The following CAST variants were observed in gnomAD, a reference collection of about 807,000 sequenced individuals.
CAST encodes the protein calpastatin, also known as MIR583 host.
In CAST, 76 loss-of-function variants were observed where a neutral mutation model predicts 119.6. The observed-to-expected ratio is 0.64, with a 90% CI of 0.53 to 0.77. The LOEUF (loss-of-function observed/expected upper bound fraction) is 0.77, where lower values mean the gene tolerates loss of function less well. Ranked by LOEUF, CAST falls within the 30% of genes least tolerant of loss-of-function variation. The pLI is 0.00. For synonymous variants in CAST, 319 were observed against 331.6 expected (o/e 0.96, Z 0.41); for missense variants, 953 against 946.5 (o/e 1.01, Z -0.09).
chr5:96,521,588 C>G (rs1473996788), upstream of CAST, among the ~76,000 whole-genome samples: 1 of 152,190 alleles, frequency 6.6e-6, no homozygotes, highest in Non-Finnish European at 1.5e-5. Context: ...CACATAGTCA[C>G]TTAGATTCAT....
intron 29 of CAST, chr5:96,768,509 T>C: frequency 2.5e-6 from 1 of 404,878 alleles, no homozygotes; most frequent in Non-Finnish European, 4.8e-6. Flanking sequence ...TTCCTTTTTT[T>C]TCTATATGTA....
the CAST span, among the ~76,000 whole-genome samples, chr5:95,969,935 G>T: frequency 3.3e-5 from 5 of 152,070 alleles, no homozygotes; most frequent in African/African-American, 4.8e-5. Context: ...AAGAATTGGG[G>T]AATATTCCTA....
the CAST span, among the ~76,000 whole-genome samples, chr5:96,154,546 A>G: frequency 1.6e-4 from 25 of 152,150 alleles, no homozygotes; most frequent in African/African-American, 5.6e-4. Context: ...TAAAGTCTAC[A>G]CTATATCAAA....
intron 9 of CAST, among the ~76,000 whole-genome samples, chr5:96,734,345 C>T (rs115757942): frequency 0.019 from 2,890 of 152,154 alleles, 69 homozygotes; most frequent in African/African-American, 0.064. Flanking sequence ...CAATTGAATC[C>T]GAGCTGCAGA....
intron 2 of CAST, among the ~76,000 whole-genome samples, chr5:96,677,645 G>T (rs971677236): frequency 1.3e-5 from 2 of 152,190 alleles, no homozygotes; most frequent in African/African-American, 4.8e-5. Flanking sequence ...TCACATTCAT[G>T]ACCCCTGCCC....
At chr5:96,255,937 C>A in the CAST span, among the ~76,000 whole-genome samples, 1 of 152,030 alleles carries the variant, frequency 6.6e-6, no homozygotes, top group South Asian at 2.1e-4. Flanking sequence ...AAAATAAAGT[C>A]TTTGGGACCC....
chr5:96,753,485 T>G (rs1765609538), intron 20 of CAST, among the ~76,000 whole-genome samples: 1 of 152,222 alleles, frequency 6.6e-6, no homozygotes, highest in African/African-American at 2.4e-5. Context: ...CATTTCATTT[T>G]GAACAATCGG....
chr5:96,565,344 G>A (rs753819442), intron 1 of CAST, among the ~76,000 whole-genome samples: 26 of 151,854 alleles, frequency 1.7e-4, no homozygotes, highest in Non-Finnish European at 2.9e-4. Flanking sequence ...ATTCTACAAG[G>A]TATACATGTC....
chr5:96,136,612 T>C, the CAST span, among the ~76,000 whole-genome samples: 1 of 152,208 alleles, frequency 6.6e-6, no homozygotes, highest in Non-Finnish European at 1.5e-5. Flanking sequence ...TATATACATA[T>C]ATGAATATAT....
chr5:96,143,972 CTATT>C, the CAST span, among the ~76,000 whole-genome samples: 6 of 152,022 alleles, frequency 3.9e-5, no homozygotes, highest in East Asian at 3.8e-4. Context: ...ACTTGAGGGG[CTATT>C]TGTTTCTATA....
chr5:96,622,420 A>T (rs981222907), intron 1 of CAST, among the ~76,000 whole-genome samples: 1 of 152,180 alleles, frequency 6.6e-6, no homozygotes, highest in African/African-American at 2.4e-5. Context: ...CTTACATAAA[A>T]TCTGGCTCCA....
chr5:96,500,160 A>AACG, the CAST span, among the ~76,000 whole-genome samples: 2 of 152,172 alleles, frequency 1.3e-5, no homozygotes, highest in African/African-American at 4.8e-5. Flanking sequence ...TAATGATGAA[A>AACG]ACGTTTTGCA....
chr5:96,478,937 T>C, the CAST span, among the ~76,000 whole-genome samples: 1 of 152,196 alleles, frequency 6.6e-6, no homozygotes, highest in Non-Finnish European at 1.5e-5. Flanking sequence ...ATAGACTCAA[T>C]TGAACACATG....
chr5:96,677,034 C>CA (rs567872750), intron 2 of CAST, among the ~76,000 whole-genome samples: 1,300 of 99,354 alleles, frequency 0.013, 13 homozygotes, highest in South Asian at 0.056. Flanking sequence ...AGCTGGGTGA[C>CA]AAAAAAAAAA....
chr5:96,290,180 G>A, the CAST span, among the ~76,000 whole-genome samples: 1 of 152,136 alleles, frequency 6.6e-6, no homozygotes, highest in East Asian at 1.9e-4. Flanking sequence ...TCATTCTTCT[G>A]TTTAAGCTTC....
chr5:96,630,973 C>T (rs1388717891), intron 1 of CAST: 1 of 140,356 alleles, frequency 7.1e-6, no homozygotes, highest in Non-Finnish European at 1.6e-5. Context: ...ACAGAGTCTC[C>T]ACCTGACTGC....
At chr5:96,316,384 C>T in the CAST span, among the ~76,000 whole-genome samples, 2 of 152,122 alleles carry the variant, frequency 1.3e-5, no homozygotes, top group African/African-American at 2.4e-5. Flanking sequence ...CCTAAACTCC[C>T]CAGATGCCAG....
chr5:96,196,036 T>C, the CAST span, among the ~76,000 whole-genome samples: 6 of 152,218 alleles, frequency 3.9e-5, 1 homozygote, highest in Admixed American at 3.3e-4. Flanking sequence ...GTTCCTCTGA[T>C]AGACTGGTTT....
intron 1 of CAST, among the ~76,000 whole-genome samples, chr5:96,559,942 TG>T (rs1746321127): frequency 6.6e-6 from 1 of 152,184 alleles, no homozygotes. Flanking sequence ...TCACACTACC[TG>T]CCTTCAAACT....
Sources: gnomAD v4.1 joint callset for allele counts (sites outside exome capture counted in the v4.1 genomes callset) on GRCh38, gnomAD v4.1.1 for gene constraint, MANE v1.5 for transcripts, NCBI Gene and HGNC (gene_info 2026-07-23, HGNC 2026-07-21) for gene names.